FBXL17: variants seen among roughly 807,000 people sequenced by gnomAD.
The protein encoded by FBXL17 is F-box and leucine rich repeat protein 17, also known as F-box/LRR-repeat protein 17.
FBXL17 carries 22 observed loss-of-function variants against 66.2 expected under a neutral mutation model. The ratio of observed to expected loss-of-function variants is 0.33; its 90% CI spans 0.24 to 0.47. The LOEUF (loss-of-function observed/expected upper bound fraction) is 0.47. Ranked by LOEUF, FBXL17 falls within the 20% of genes least tolerant of loss-of-function variation. FBXL17 has a pLI of 1.00. For synonymous variants in FBXL17, 474 were observed against 400.5 expected (o/e 1.18, Z -2.19); for missense variants, 878 against 948.2 (o/e 0.93, Z 0.97).
chr5:108,301,322 T>C (rs1056550345), intron 4 of FBXL17, among the ~76,000 whole-genome samples: 1 of 151,808 alleles, frequency 6.6e-6, no homozygotes, highest in Admixed American at 6.6e-5. Flanking sequence ...AAAGAAGTTT[T>C]AAAAACAATG....
At chr5:108,119,747 C>G (rs746062852) in intron 6 of FBXL17, among the ~76,000 whole-genome samples, 6 of 152,186 alleles carry the variant, frequency 3.9e-5, no homozygotes, top group Non-Finnish European at 8.8e-5. Context: ...CATTTTGAAC[C>G]TATTTAATCC....
intron 7 of FBXL17, among the ~76,000 whole-genome samples, chr5:107,925,362 T>C (rs1007185649): frequency 6.6e-6 from 1 of 152,200 alleles, no homozygotes; most frequent in Non-Finnish European, 1.5e-5. Context: ...TATGTTGTAG[T>C]TTTTGGGTGA....
intron 6 of FBXL17, among the ~76,000 whole-genome samples, chr5:108,083,571 A>ATT (rs5870295): frequency 0.014 from 2,061 of 142,376 alleles, 31 homozygotes; most frequent in Admixed American, 0.044. Context: ...TTTGTGGCTA[A>ATT]TTTTTTTTTT....
chr5:108,226,907 A>G (rs1287175790), intron 4 of FBXL17, among the ~76,000 whole-genome samples: 1 of 152,116 alleles, frequency 6.6e-6, no homozygotes, highest in East Asian at 1.9e-4. Flanking sequence ...AATTTACACC[A>G]TTAGTTTTTG....
At chr5:108,064,644 G>A (rs1213392936) in intron 6 of FBXL17, among the ~76,000 whole-genome samples, 1 of 152,154 alleles carries the variant, frequency 6.6e-6, no homozygotes, top group Non-Finnish European at 1.5e-5. Flanking sequence ...TTTATAATGT[G>A]ACTTTATAAT....
At chr5:108,376,911 C>T (rs540629558) in intron 1 of FBXL17, among the ~76,000 whole-genome samples, 56 of 151,976 alleles carry the variant, frequency 3.7e-4, no homozygotes, top group African/African-American at 1.3e-3. Flanking sequence ...CGTGAGCCAC[C>T]GCACCTGGCC....
intron 6 of FBXL17, among the ~76,000 whole-genome samples, chr5:108,107,076 T>G (rs1749827482): frequency 6.6e-6 from 1 of 152,116 alleles, no homozygotes; most frequent in Non-Finnish European, 1.5e-5. Context: ...GAGCTTAATT[T>G]TATTTATTTT....
At chr5:107,887,824 A>G (rs140548115) in intron 7 of FBXL17, among the ~76,000 whole-genome samples, 2 of 152,292 alleles carry the variant, frequency 1.3e-5, no homozygotes, top group East Asian at 3.9e-4. Context: ...AGAAGCTATA[A>G]AAGTTTCTGT....
At chr5:108,281,916 T>C (rs887094250) in intron 4 of FBXL17, among the ~76,000 whole-genome samples, 2 of 151,606 alleles carry the variant, frequency 1.3e-5, no homozygotes, top group Non-Finnish European at 3.0e-5. Context: ...CCAGAGGAAA[T>C]GGATAAATGC....
chr5:108,148,380 A>G (rs1751642061), intron 6 of FBXL17, among the ~76,000 whole-genome samples: 1 of 152,170 alleles, frequency 6.6e-6, no homozygotes. Context: ...TTAACCAATC[A>G]AATATTTCTT....
chr5:108,300,390 A>AT (rs1393111845), intron 4 of FBXL17, among the ~76,000 whole-genome samples: 2 of 151,860 alleles, frequency 1.3e-5, no homozygotes, highest in Non-Finnish European at 2.9e-5. Context: ...AACATTTATT[A>AT]TTTTTTCCTC....
At chr5:108,208,875 G>T (rs572701663) in intron 5 of FBXL17, among the ~76,000 whole-genome samples, 2 of 152,238 alleles carry the variant, frequency 1.3e-5, no homozygotes, top group Admixed American at 6.5e-5. Flanking sequence ...CATGGGGATA[G>T]CTTTGAATCT....
At chr5:108,045,237 C>T (rs980190920) in intron 6 of FBXL17, among the ~76,000 whole-genome samples, 7 of 151,932 alleles carry the variant, frequency 4.6e-5, no homozygotes, top group Admixed American at 2.6e-4. Flanking sequence ...GTCAGGAGTT[C>T]GAAACCAGCC....
intron 6 of FBXL17, among the ~76,000 whole-genome samples, chr5:108,051,150 C>T (rs1746859123): frequency 6.6e-6 from 1 of 152,200 alleles, no homozygotes; most frequent in South Asian, 2.1e-4. Flanking sequence ...CCAATTCTAC[C>T]AGAGGTACAA....
At chr5:108,080,817 T>A (rs1478853176) in intron 6 of FBXL17, among the ~76,000 whole-genome samples, 1 of 152,074 alleles carries the variant, frequency 6.6e-6, no homozygotes, top group Non-Finnish European at 1.5e-5. Flanking sequence ...AGATAAGGGG[T>A]CCTGGGGACC....
intron 6 of FBXL17, among the ~76,000 whole-genome samples, chr5:108,097,553 G>T (rs1292554957): frequency 1.3e-5 from 2 of 152,086 alleles, no homozygotes; most frequent in African/African-American, 2.4e-5. Context: ...CACTTTGGGA[G>T]GTGGGGGTGG....
intron 8 of FBXL17, chr5:107,880,818 C>A: frequency 7.4e-7 from 1 of 1,358,130 alleles, no homozygotes. Flanking sequence ...TCTACTTAAG[C>A]ACAAAATTCA....
chr5:108,067,859 A>G (rs1679267071), intron 6 of FBXL17, among the ~76,000 whole-genome samples: 2 of 152,214 alleles, frequency 1.3e-5, no homozygotes, highest in South Asian at 4.1e-4. Context: ...TCCCTGTTGA[A>G]AAATAAAAAT....
chr5:107,886,031 AAT>A (rs1233278177), intron 7 of FBXL17, among the ~76,000 whole-genome samples: 11 of 152,324 alleles, frequency 7.2e-5, no homozygotes, highest in Non-Finnish European at 1.0e-4. Flanking sequence ...CCAGATGAAT[AAT>A]ATAACTATGC....
Sources: allele counts gnomAD v4.1 joint callset (sites outside exome capture counted in the v4.1 genomes callset), GRCh38; gene constraint gnomAD v4.1.1; transcripts MANE v1.5; gene names NCBI Gene and HGNC (gene_info 2026-07-23, HGNC 2026-07-21).